ISCA1: variants seen among roughly 807,000 people sequenced by gnomAD.
ISCA1 encodes iron-sulfur cluster assembly 1 homolog, mitochondrial.
A neutral mutation model predicts 14.7 loss-of-function variants in ISCA1; 9 were observed. The observed-to-expected ratio is 0.61, with a 90% CI of 0.37 to 1.07. The LOEUF (loss-of-function observed/expected upper bound fraction) is 1.07. Among genes scored for constraint, ISCA1 ranks in the 50% least tolerant of loss-of-function variants. ISCA1 has a pLI of 0.01. For synonymous variants in ISCA1, 38 were observed against 54.3 expected, an observed-to-expected ratio of 0.70 and a Z score of 1.32; for missense variants, 102 against 150.1, an observed-to-expected ratio of 0.68 and a Z score of 1.67.
At chr9:86,282,068 G>C (rs1452905946) in intron 1 of ISCA1, 2 of 417,544 alleles carry the variant, frequency 4.8e-6, no homozygotes, top group South Asian at 6.5e-5. Context: ...GCCGGCAGGA[G>C]TGTGGAGGCG....
chr9:86,282,168 CA>C (rs201012892), intron 1 of ISCA1: 13 of 585,362 alleles, frequency 2.2e-5, no homozygotes, highest in East Asian at 1.9e-4. Context: ...TTTCCGGGGC[CA>C]AGAGAGCAGC....
At position 86,265,663 on chromosome 9, in the gene ISCA1, A is replaced by G. The variant is rs1255053417; in HGVS notation, c.*380T>C. ...CACCATATTACTACCAGCAGTCACG[A>G]TGTCCTGTCTCAGATTTTAGGAGTC... On this transcript the variant is annotated 3_prime_UTR_variant, in exon 4 of 4. Transcript: ENST00000375991. 4.4e-6 allele frequency: 1 copy of G among 226,072 alleles called. No individual in the cohort carries two copies. Among genetic ancestry groups the G allele is most frequent in the Admixed American group, 5.3e-5 (1 of 18,946 alleles). The allele number at this position is 226,072 out of a possible 1,614,324, so 14.0% of individuals were successfully genotyped here.
intron 1 of ISCA1, among the ~76,000 whole-genome samples, chr9:86,277,186 C>G (rs1825448957): frequency 6.6e-6 from 1 of 152,184 alleles, no homozygotes; most frequent in Non-Finnish European, 1.5e-5. Context: ...GGGGATTGGT[C>G]TACTTATCAC....
intron 2 of ISCA1, among the ~76,000 whole-genome samples, chr9:86,272,649 A>G (rs942560095): frequency 3.3e-5 from 5 of 152,186 alleles, no homozygotes; most frequent in Non-Finnish European, 7.4e-5. Flanking sequence ...AGCTGAGCTG[A>G]TTTTTCATTT....
chr9:86,274,777 C>G (rs2131224644), intron 1 of ISCA1, among the ~76,000 whole-genome samples: 1 of 152,234 alleles, frequency 6.6e-6, no homozygotes, highest in South Asian at 2.1e-4. Context: ...GGGTGTGCTT[C>G]TTGCACCAGT....
At chr9:86,268,614 C>T (rs189379418) in intron 3 of ISCA1, among the ~76,000 whole-genome samples, 4 of 152,278 alleles carry the variant, frequency 2.6e-5, no homozygotes, top group Admixed American at 6.5e-5. Context: ...CACTGACTCA[C>T]GCGGACAACT....
rs937442242 is a variant in ISCA1 at position 86,282,273 on chromosome 9, C to A, written c.81+105G>T. On this transcript the variant is annotated intron_variant, in intron 1 of 3. Transcript: ENST00000375991. ...GGGTCGGAGCGACGCCGAGGTCTGA[C>A]GTGTCCGCGTCCCTGCGGCCCCACT... The A allele has an allele frequency of 1.5e-5, 19 of 1,259,608 alleles. No homozygotes were observed. In the African/African-American group the frequency reaches 2.9e-4, roughly 19 times the overall value. The allele number at this position is 1,259,608 out of a possible 1,614,324, so 78.0% of individuals were successfully genotyped here.
intron 3 of ISCA1, among the ~76,000 whole-genome samples, chr9:86,270,743 C>G (rs9632937): frequency 0.44 from 65,820 of 148,972 alleles, 14,581 homozygotes; most frequent in Middle Eastern, 0.59. Context: ...CACATATACA[C>G]CATGGAATAC....
chr9:86,280,656 G>C (rs575504633), intron 1 of ISCA1, among the ~76,000 whole-genome samples: 81 of 151,046 alleles, frequency 5.4e-4, no homozygotes, highest in African/African-American at 1.9e-3. Flanking sequence ...TGGTGATGGA[G>C]AAAGACATCA....
intron 3 of ISCA1, chr9:86,267,308 T>C: frequency 2.5e-6 from 2 of 815,740 alleles, no homozygotes; most frequent in Non-Finnish European, 3.0e-6. Flanking sequence ...AAACAATATA[T>C]AATTAAGTCA....
intron 1 of ISCA1, 73 bp from the exon 2 acceptor site, chr9:86,274,315 G>C (rs1825412303): frequency 4.0e-6 from 4 of 1,003,072 alleles, no homozygotes; most frequent in Admixed American, 2.0e-5. Context: ...GTCTTCGTAA[G>C]TCTGTCTTTA....
intron 1 of ISCA1, among the ~76,000 whole-genome samples, chr9:86,278,705 C>T (rs759140545): frequency 2.4e-4 from 36 of 152,214 alleles, no homozygotes; most frequent in South Asian, 1.7e-3. Flanking sequence ...GGCATATATA[C>T]ATAATTTTGC....
chr9:86,274,303 C>A (rs931679697), intron 1 of ISCA1, 61 bp from the exon 2 acceptor site: 5 of 1,120,588 alleles, frequency 4.5e-6, no homozygotes, highest in Non-Finnish European at 5.4e-6. Flanking sequence ...TCATATTTAT[C>A]AGTCTTCGTA....
chr9:86,280,594 CAAAAA>C (rs59525482), intron 1 of ISCA1, among the ~76,000 whole-genome samples: 4 of 97,864 alleles, frequency 4.1e-5, no homozygotes, highest in East Asian at 5.3e-4. Flanking sequence ...AACCCTGTCT[CAAAAA>C]AAAAAAAAAA....
chr9:86,280,935 AAAACAAACAAAAAC>A (rs1825505532), intron 1 of ISCA1, among the ~76,000 whole-genome samples: 1 of 147,834 alleles, frequency 6.8e-6, no homozygotes, highest in Admixed American at 6.7e-5. Context: ...CTCCAAAAAC[AAAACAAACAAAAAC>A]AAACAAACAA....
chr9:86,277,011 ATG>A (rs1825446462), intron 1 of ISCA1, among the ~76,000 whole-genome samples: 1 of 152,134 alleles, frequency 6.6e-6, no homozygotes, highest in Admixed American at 6.6e-5. Flanking sequence ...AACAAAACAA[ATG>A]TGTCTGTCAC....
Position 86,265,348 on chromosome 9 carries a change from G to C in ISCA1, c.*695C>G, listed in dbSNP as rs965069534. The stretch of plus-strand genomic sequence containing the variant: ...TTGCTTCCTCACATAGGGAATTGAT[G>C]GAGGTGGGCTAGATGGCTTTAAGAG... On this transcript the variant is annotated 3_prime_UTR_variant, in exon 4 of 4. Transcript: ENST00000375991. 2.6e-5 allele frequency: 4 copies of C among 152,194 alleles called. No homozygotes were observed. The highest frequency in any genetic ancestry group is 1.3e-4 in the Admixed American group (2 of 15,262). The allele number at this position is 152,194 out of a possible 1,614,324, so 9.4% of individuals were successfully genotyped here.
In ISCA1 at chr9:86,282,531, G is replaced by A; in HGVS notation, c.-73C>T. ...TCAGCTTCTCTCCATGGACACGGCGGGCGCATTGACGCCACAAGCTTCGGC... is the reference window on the plus strand; with the variant it reads ...TCAGCTTCTCTCCATGGACACGGCGAGCGCATTGACGCCACAAGCTTCGGC... On this transcript the variant is annotated 5_prime_UTR_variant, in exon 1 of 4. Transcript: ENST00000375991. The A allele has an allele frequency of 6.5e-7, 1 of 1,549,362 alleles. No individual in the cohort carries two copies. The highest frequency in any genetic ancestry group is 8.7e-7 in the Non-Finnish European group (1 of 1,146,418).
At chr9:86,282,061 G>C (rs1825524601) in intron 1 of ISCA1, 1 of 374,410 alleles carries the variant, frequency 2.7e-6, no homozygotes. Context: ...AGCGCAGGCC[G>C]GCAGGAGTGT....
Sources: allele counts gnomAD v4.1 joint callset (sites outside exome capture counted in the v4.1 genomes callset), GRCh38; gene constraint gnomAD v4.1.1; transcripts MANE v1.5; gene names NCBI Gene and HGNC (gene_info 2026-07-23, HGNC 2026-07-21).